Variants in NAV3 observed in about 807,000 individuals in gnomAD.
The protein encoded by NAV3 is neuron navigator 3.
In NAV3, 87 loss-of-function variants were observed where a neutral mutation model predicts 244.7. The observed-to-expected ratio is 0.36, with a 90% confidence interval of 0.30 to 0.42. The LOEUF (loss-of-function observed/expected upper bound fraction) is 0.42. Ranked by LOEUF, NAV3 falls within the 20% of genes least tolerant of loss-of-function variation. The probability of loss-of-function intolerance (pLI) is 1.00; values close to 1 mark genes in which losing one functional copy is unlikely to be tolerated. For missense variants in NAV3, 2,663 were observed against 2,893.3 expected (o/e 0.92, Z 1.83); for synonymous variants, 1,126 against 1,042.2 (o/e 1.08, Z -1.55).
chr12:77,898,213 G>A (rs1435402708), intron 1 of NAV3, among the ~76,000 whole-genome samples: 1 of 152,092 alleles, frequency 6.6e-6, no homozygotes, highest in Non-Finnish European at 1.5e-5. Flanking sequence ...CCATCAGAAA[G>A]CCTCTAATAA....
At chr12:77,901,332 T>G (rs1238932753) in intron 1 of NAV3, among the ~76,000 whole-genome samples, 1 of 152,220 alleles carries the variant, frequency 6.6e-6, no homozygotes, top group Non-Finnish European at 1.5e-5. Context: ...TCCTAAATTT[T>G]CTTCTAGGAT....
intron 12 of NAV3, among the ~76,000 whole-genome samples, chr12:78,095,943 G>A (rs1593561351): frequency 1.3e-5 from 2 of 152,296 alleles, no homozygotes; most frequent in African/African-American, 4.8e-5. Flanking sequence ...ACATAGGCTA[G>A]TGGCAGATCT....
intron 22 of NAV3, among the ~76,000 whole-genome samples, chr12:78,149,953 C>A (rs1426701404): frequency 2.0e-5 from 3 of 151,848 alleles, no homozygotes; most frequent in Non-Finnish European, 4.4e-5. Flanking sequence ...ATTTTATTTT[C>A]TGAAATTTGG....
intron 2 of NAV3, among the ~76,000 whole-genome samples, chr12:77,764,804 T>C (rs1313783858): frequency 1.3e-5 from 2 of 152,254 alleles, no homozygotes; most frequent in African/African-American, 4.8e-5. Context: ...TGTATATTCA[T>C]GTCAGTGTAT....
intron 39 of NAV3, among the ~76,000 whole-genome samples, chr12:78,205,439 C>T (rs895100388): frequency 2.6e-5 from 4 of 151,738 alleles, no homozygotes; most frequent in African/African-American, 4.8e-5. Context: ...TATTATGACT[C>T]AATTCAATAG....
chr12:78,121,365 C>T lies in NAV3; in HGVS notation c.3750-575C>T, dbSNP rs558234465. 2.0e-5 allele frequency among the ~76,000 whole-genome samples: 3 copies of T among 152,168 alleles called. No homozygotes were observed. In the East Asian group the frequency reaches 5.8e-4, roughly 29 times the overall value. ...CCTTTGGCCTCTGCTGGGGAAAATACAGACAAACTGACTTGTTGCCGACAA... is the reference window on the plus strand; with the variant it reads ...CCTTTGGCCTCTGCTGGGGAAAATATAGACAAACTGACTTGTTGCCGACAA... On this transcript the variant is annotated intron_variant, in intron 15 of 39. Transcript: ENST00000397909.
At chr12:77,718,428 G>A (rs552535695) in intron 2 of NAV3, among the ~76,000 whole-genome samples, 1 of 151,990 alleles carries the variant, frequency 6.6e-6, no homozygotes, top group Non-Finnish European at 1.5e-5. Flanking sequence ...TGCTCCATTG[G>A]TTTATATACT....
Position 78,197,414 on chromosome 12 carries a change from A to T in NAV3, c.6446+13A>T. On this transcript the variant is annotated intron_variant, in intron 35 of 39. Transcript: ENST00000397909. ...AATACAACAAATGGTATGCTTATCAAATATTCTGAATAATGAAATATGAAA... is the reference window on the plus strand; with the variant it reads ...AATACAACAAATGGTATGCTTATCATATATTCTGAATAATGAAATATGAAA... 6.4e-7 allele frequency: 1 copy of T among 1,557,028 alleles called. No homozygotes were observed. The highest frequency in any genetic ancestry group is 8.7e-7 in the Non-Finnish European group (1 of 1,146,210).
chr12:77,819,109 T>A (rs1339707753), intron 2 of NAV3, among the ~76,000 whole-genome samples: 1 of 152,060 alleles, frequency 6.6e-6, no homozygotes, highest in African/African-American at 2.4e-5. Flanking sequence ...AAAATATATC[T>A]ATCAGTGAGA....
chr12:77,630,395 T>C (rs77723422), intron 2 of NAV3, among the ~76,000 whole-genome samples: 3,834 of 152,290 alleles, frequency 0.025, 62 homozygotes, highest in Middle Eastern at 0.085. Flanking sequence ...AGTTGCACCA[T>C]CCTTCAAGGA....
chr12:77,749,042 G>A (rs963968359), intron 2 of NAV3, among the ~76,000 whole-genome samples: 1 of 152,152 alleles, frequency 6.6e-6, no homozygotes, highest in African/African-American at 2.4e-5. Flanking sequence ...AAAGGTAAGT[G>A]TGATGTACAA....
chr12:78,085,865 T>A (rs371694240), intron 12 of NAV3, among the ~76,000 whole-genome samples: 1 of 152,082 alleles, frequency 6.6e-6, no homozygotes, highest in East Asian at 1.9e-4. Flanking sequence ...GTAAAATGCA[T>A]CTTGATAATA....
intron 12 of NAV3, among the ~76,000 whole-genome samples, chr12:78,088,033 CAT>C (rs547523601): frequency 1.4e-3 from 211 of 147,712 alleles, no homozygotes; most frequent in Admixed American, 2.2e-3. Flanking sequence ...AGTGTTTCTT[CAT>C]ATATATATAT....
intron 24 of NAV3, among the ~76,000 whole-genome samples, chr12:78,172,683 T>G (rs1333316130): frequency 6.6e-6 from 1 of 151,584 alleles, no homozygotes; most frequent in Non-Finnish European, 1.5e-5. Context: ...GAGGAGTATT[T>G]CAAAAGAGCT....
At chr12:77,983,153 A>G (rs1035972120) in intron 5 of NAV3, among the ~76,000 whole-genome samples, 37 of 152,190 alleles carry the variant, frequency 2.4e-4, no homozygotes, top group African/African-American at 8.7e-4. Flanking sequence ...ATGTAAAGTA[A>G]AATTGCTTTG....
chr12:78,001,763 A>G (rs921689335), intron 7 of NAV3, among the ~76,000 whole-genome samples: 26 of 152,368 alleles, frequency 1.7e-4, no homozygotes, highest in Admixed American at 3.9e-4. Context: ...AAACGTTACA[A>G]TGGGATGCAC....
At chr12:77,853,428 T>G (rs535730963) in intron 1 of NAV3, among the ~76,000 whole-genome samples, 2 of 152,334 alleles carry the variant, frequency 1.3e-5, no homozygotes, top group African/African-American at 4.8e-5. Context: ...ATTCCATGGG[T>G]TGTGTTTTCC....
chr12:77,669,267 G>A (rs1391824445), intron 2 of NAV3, among the ~76,000 whole-genome samples: 1 of 151,972 alleles, frequency 6.6e-6, no homozygotes. Context: ...AAATCTCACA[G>A]GGCCTAAGTA....
intron 1 of NAV3, among the ~76,000 whole-genome samples, chr12:77,924,167 A>C (rs1887971262): frequency 6.6e-6 from 1 of 152,160 alleles, no homozygotes; most frequent in Admixed American, 6.5e-5. Context: ...ACAGTCACTC[A>C]AGAACTCAGA....
Sources: allele counts gnomAD v4.1 joint callset (sites outside exome capture counted in the v4.1 genomes callset), GRCh38; gene constraint gnomAD v4.1.1; transcripts MANE v1.5; gene names NCBI Gene and HGNC (gene_info 2026-07-23, HGNC 2026-07-21).